Variants in PRKAR1B observed in about 807,000 individuals in gnomAD.
PRKAR1B encodes the protein cAMP-dependent protein kinase type I-beta regulatory subunit.
Under a neutral mutation model 46.5 loss-of-function variants are expected in PRKAR1B, and 22 were observed. That is an observed-to-expected ratio of 0.47 (90% CI 0.34 to 0.68). The LOEUF is 0.68. Among genes scored for constraint, PRKAR1B ranks in the 30% least tolerant of loss-of-function variants. The pLI is 0.01. For synonymous variants in PRKAR1B, 259 were observed against 217.7 expected (o/e 1.19, Z -1.67); for missense variants, 445 against 535.6 (o/e 0.83, Z 1.67).
chr7:612,641 C>T (rs567704442), intron 4 of PRKAR1B, among the ~76,000 whole-genome samples: 3 of 152,084 alleles, frequency 2.0e-5, no homozygotes, highest in Non-Finnish European at 4.4e-5. Flanking sequence ...AAAACGGATG[C>T]CTGGAAGGAT....
intron 9 of PRKAR1B, among the ~76,000 whole-genome samples, 166 bp from the exon 10 acceptor site, chr7:551,636 C>G (rs1784208685): frequency 6.6e-6 from 1 of 150,408 alleles, no homozygotes; most frequent in African/African-American, 2.5e-5. Flanking sequence ...ACCCCCACCT[C>G]CCACCCAGGT....
At position 695,344 on chromosome 7, in the gene PRKAR1B, GA is replaced by G. The variant is rs1393459652; in HGVS notation, c.178-14619del. Among the ~76,000 whole-genome samples, 6 of 152,328 alleles carry G rather than the reference GA, an allele frequency of 3.9e-5. No homozygotes were observed. The East Asian group carries it at 1.2e-3, about 29-fold the overall frequency. On this transcript the variant is annotated intron_variant, in intron 2 of 10. Coordinates refer to ENST00000537384, the MANE Select transcript of PRKAR1B (RefSeq NM_001164760.2). ...CTGGTCCTGTCCCGTCCCACACGGG[GA>G]TGAAGTACAGACGTCCAGCCCAGAA... is the stretch of plus-strand genomic sequence containing the variant.
chr7:687,834 GCCTGTAAT>G (rs1162543279), intron 2 of PRKAR1B, among the ~76,000 whole-genome samples: 3 of 151,904 alleles, frequency 2.0e-5, no homozygotes, highest in Non-Finnish European at 2.9e-5. Flanking sequence ...GGTGGCTCAT[GCCTGTAAT>G]CCCAGGACTT....
At position 551,434 on chromosome 7, in the gene PRKAR1B, C is replaced by A. The variant is rs1208140933; in HGVS notation, c.928G>T (p.Glu310Ter). 6.4e-7 allele frequency: 1 copy of A among 1,560,426 alleles called. No individual in the cohort carries two copies. Among genetic ancestry groups the A allele is most frequent in the Non-Finnish European group, 8.7e-7 (1 of 1,151,998 alleles). Reference protein sequence around the residue: ...ASVLQRRSPNEEYVEVGRLGP... With the variant: ...ASVLQRRSPN ...AGGCGCCCCACCTCCACGTACTCCT[C>A]ATTGGGGGACCGGCGCTGCAGCACG... Residue 310 changes from glutamate to a stop codon, truncating the protein, a stop_gained, in exon 10 of 11, where the codon GAG (glutamate) becomes TAG (stop). Coordinates refer to ENST00000537384, the MANE Select transcript of PRKAR1B (RefSeq NM_001164760.2). LOFTEE classifies it high-confidence loss of function.
intron 2 of PRKAR1B, among the ~76,000 whole-genome samples, chr7:682,040 G>A (rs996715404): frequency 6.6e-6 from 1 of 152,030 alleles, no homozygotes; most frequent in African/African-American, 2.4e-5. Context: ...GAAGTAAGGG[G>A]AGGGAGGGAG....
Position 592,621 on chromosome 7 carries a change from G to A in PRKAR1B, c.708+3525C>T, listed in dbSNP as rs574160062. ...GACTCAGGTTCCAAGGGGGTCTTGG[G>A]CTCTGGATACCCCAGCACAGCCTCC... On this transcript the variant is annotated intron_variant, in intron 7 of 10. Transcript: ENST00000537384. Among the ~76,000 whole-genome samples, 21 of 152,386 alleles carry A rather than the reference G, an allele frequency of 1.4e-4. No homozygotes were observed. In the South Asian group the frequency reaches 2.3e-3, roughly 17 times the overall value.
At chr7:629,157 G>A (rs1270525544) in intron 4 of PRKAR1B, among the ~76,000 whole-genome samples, 1 of 152,260 alleles carries the variant, frequency 6.6e-6, no homozygotes, top group African/African-American at 2.4e-5. Context: ...ACGTTTTCCA[G>A]AGTGAAAGGC....
intron 4 of PRKAR1B, among the ~76,000 whole-genome samples, chr7:636,002 G>C (rs1205548770): frequency 1.3e-5 from 1 of 76,778 alleles, no homozygotes; most frequent in African/African-American, 5.1e-5. Flanking sequence ...GTCCTCCACC[G>C]GCCGCGCCCT....
intron 2 of PRKAR1B, among the ~76,000 whole-genome samples, chr7:706,346 T>C (rs941395009): frequency 9.8e-6 from 1 of 101,998 alleles, no homozygotes; most frequent in East Asian, 2.9e-4. Context: ...ATTGATGGTG[T>C]CATTTTGGAT....
intron 4 of PRKAR1B, among the ~76,000 whole-genome samples, chr7:635,827 G>C (rs889941350): frequency 2.0e-4 from 31 of 152,016 alleles, no homozygotes; most frequent in African/African-American, 7.0e-4. Context: ...ACACTTACTA[G>C]CTGGATGATT....
intron 7 of PRKAR1B, among the ~76,000 whole-genome samples, chr7:587,657 G>A (rs1780673773): frequency 6.6e-6 from 1 of 152,232 alleles, no homozygotes; most frequent in Non-Finnish European, 1.5e-5. Flanking sequence ...CCACAGTTGG[G>A]GGTGGGAAAG....
chr7:635,546 C>T (rs537263976), intron 4 of PRKAR1B, among the ~76,000 whole-genome samples: 49 of 152,184 alleles, frequency 3.2e-4, no homozygotes, highest in Non-Finnish European at 4.0e-4. Flanking sequence ...CCCTTGGCAG[C>T]CCTAGGCCTC....
chr7:647,328 G>A (rs1784665403), intron 4 of PRKAR1B, among the ~76,000 whole-genome samples: 1 of 152,046 alleles, frequency 6.6e-6, no homozygotes, highest in Admixed American at 6.6e-5. Context: ...GCCCACCCAA[G>A]CCAGCATCAC....
At chr7:595,404 G>A (rs556374803) in intron 7 of PRKAR1B, among the ~76,000 whole-genome samples, 119 of 152,260 alleles carry the variant, frequency 7.8e-4, no homozygotes, top group Non-Finnish European at 4.3e-4. Flanking sequence ...CTCTGGGGCC[G>A]GGTGTTCACG....
intron 4 of PRKAR1B, among the ~76,000 whole-genome samples, chr7:618,302 T>C (rs2128472513): frequency 6.6e-6 from 1 of 152,318 alleles, no homozygotes; most frequent in South Asian, 2.1e-4. Context: ...TCCAACATCT[T>C]TTCTTTAAAC....
intron 4 of PRKAR1B, among the ~76,000 whole-genome samples, chr7:656,853 GTGAA>G (rs1220946506): frequency 6.6e-6 from 1 of 151,720 alleles, no homozygotes; most frequent in African/African-American, 2.4e-5. Context: ...GTGTGGATGG[GTGAA>G]TGAATGAATG....
chr7:614,114 C>G (rs1209926264), intron 4 of PRKAR1B, among the ~76,000 whole-genome samples: 2 of 152,234 alleles, frequency 1.3e-5, no homozygotes, highest in Non-Finnish European at 2.9e-5. Context: ...CTCCACGCCC[C>G]GCACGCCCGA....
chr7:557,003 C>A (rs1458318033), intron 9 of PRKAR1B, among the ~76,000 whole-genome samples: 1 of 152,240 alleles, frequency 6.6e-6, no homozygotes, highest in East Asian at 1.9e-4. Flanking sequence ...CCGACCCCCA[C>A]CTCTGACCTC....
intron 4 of PRKAR1B, among the ~76,000 whole-genome samples, chr7:624,458 C>G (rs1405958576): frequency 6.6e-6 from 1 of 152,114 alleles, no homozygotes; most frequent in Non-Finnish European, 1.5e-5. Context: ...AGTGCATGCT[C>G]TTTGAATGGG....
Sources: gnomAD v4.1 joint callset for allele counts (sites outside exome capture counted in the v4.1 genomes callset) on GRCh38, gnomAD v4.1.1 for gene constraint, MANE v1.5 for transcripts, NCBI Gene and HGNC (gene_info 2026-07-23, HGNC 2026-07-21) for gene names.